The following STAT4 variants were observed in gnomAD, a reference collection of about 807,000 sequenced individuals.
STAT4 encodes signal transducer and activator of transcription 4.
A neutral mutation model predicts 110.5 loss-of-function variants in STAT4; 42 were observed. The ratio of observed to expected loss-of-function variants is 0.38; its 90% CI spans 0.30 to 0.49. The LOEUF is 0.49. Ranked by LOEUF, STAT4 falls within the 20% of genes least tolerant of loss-of-function variation. The pLI is 0.95. For missense variants in STAT4, 632 were observed against 887.9 expected, an observed-to-expected ratio of 0.71 and a Z score of 3.66; for synonymous variants, 284 against 302.2, an observed-to-expected ratio of 0.94 and a Z score of 0.63.
chr2:191,136,434 C>G (rs1395085782), intron 3 of STAT4, among the ~76,000 whole-genome samples: 1 of 152,088 alleles, frequency 6.6e-6, no homozygotes, highest in Non-Finnish European at 1.5e-5. Context: ...TAAAAGGCAC[C>G]CAAACTGGAA....
rs1697778861 is a variant in STAT4 at position 191,090,847 on chromosome 2, T to G, written c.274-14522A>C. Among the ~76,000 whole-genome samples the G allele has an allele frequency of 6.6e-6, 1 of 152,158 alleles. No individual in the cohort carries two copies. Among genetic ancestry groups the G allele is most frequent in the African/African-American group, 2.4e-5 (1 of 41,428 alleles). Reference sequence around the variant, plus strand: ...ACCTCGTGATCCACCCACCTTGGCCTCCCAAAGTGCTAGGATTACAGGCGT... The same window carrying G: ...ACCTCGTGATCCACCCACCTTGGCCGCCCAAAGTGCTAGGATTACAGGCGT... On this transcript the variant is annotated intron_variant, in intron 3 of 23. Coordinates refer to ENST00000392320, the MANE Select transcript of STAT4 (RefSeq NM_003151.4). The surrounding 1 kb of genome is among the most constrained non-coding windows in gnomAD (Gnocchi z 4.2).
At chr2:191,069,824 T>C in intron 5 of STAT4, 53 bp from the exon 6 acceptor site, 1 of 1,379,376 alleles carries the variant, frequency 7.2e-7, no homozygotes, top group East Asian at 2.3e-5. Context: ...AGCATGTCAA[T>C]CAAACAACAT....
At position 191,117,545 on chromosome 2, in the gene STAT4, G is replaced by A. The variant is rs1271843873; in HGVS notation, c.273+29068C>T. Among the ~76,000 whole-genome samples, 1 of 152,094 alleles carries A rather than the reference G, an allele frequency of 6.6e-6. No individual in the cohort carries two copies. The highest frequency in any genetic ancestry group is 2.4e-5 in the African/African-American group (1 of 41,424). Reference sequence around the variant, plus strand: ...ATTAAGTGTCAGGATGAGTTGTTTGGACACTAAGTGCTGTGGGAGTGCAGA... The same window carrying A: ...ATTAAGTGTCAGGATGAGTTGTTTGAACACTAAGTGCTGTGGGAGTGCAGA... On this transcript the variant is annotated intron_variant, in intron 3 of 23. Coordinates refer to ENST00000392320, the MANE Select transcript of STAT4 (RefSeq NM_003151.4). The surrounding 1 kb of genome is among the most constrained non-coding windows in gnomAD (Gnocchi z 5.2).
In STAT4 at chr2:191,099,049, G is replaced by A. The variant is rs1698085272; in HGVS notation, c.274-22724C>T. ...AATTGATTTAAAATGCCTGATAGAA[G>A]GAAGTGAATGGGAAATTCACAAAAG... On this transcript the variant is annotated intron_variant, in intron 3 of 23. Transcript: ENST00000392320. This position sits in a 1 kb window ranked among gnomAD's most constrained non-coding sequence, Gnocchi z 4.1. Among the ~76,000 whole-genome samples, 4 of 151,780 alleles carry A rather than the reference G, an allele frequency of 2.6e-5. No individual in the cohort carries two copies. In the South Asian group the frequency reaches 8.3e-4, roughly 31 times the overall value.
At chr2:191,088,356 C>T (rs1697697807) in intron 3 of STAT4, among the ~76,000 whole-genome samples, 1 of 152,050 alleles carries the variant, frequency 6.6e-6, no homozygotes, top group African/African-American at 2.4e-5. Context: ...ATAAATCTAA[C>T]AATGTGTGGA....
chr2:191,102,941 A>G (rs528045854), intron 3 of STAT4, among the ~76,000 whole-genome samples: 1 of 152,282 alleles, frequency 6.6e-6, no homozygotes, highest in East Asian at 1.9e-4. Flanking sequence ...TCCATGTATC[A>G]TCCATGTTCC....
chr2:191,104,744 T>C lies in STAT4; in HGVS notation c.274-28419A>G, dbSNP rs115892917. Among the ~76,000 whole-genome samples, 658 of 152,332 alleles carry C rather than the reference T, an allele frequency of 4.3e-3. 6 individuals are homozygous for C. The highest frequency in any genetic ancestry group is 0.015 in the African/African-American group (626 of 41,574). ...ATCCTTTTTAAGTGAATTTTGACTT[T>C]GCAAAGATTCTCTCTATTACTCTTT... On this transcript the variant is annotated intron_variant, in intron 3 of 23. Coordinates refer to ENST00000392320, the MANE Select transcript of STAT4 (RefSeq NM_003151.4). This position sits in a 1 kb window ranked among gnomAD's most constrained non-coding sequence, Gnocchi z 4.3.
chr2:191,057,898 G>T, intron 13 of STAT4, 120 bp downstream of exon 13: 2 of 927,988 alleles, frequency 2.2e-6, no homozygotes, highest in African/African-American at 1.7e-5. Flanking sequence ...GTGCCCGGCC[G>T]GTTCCTAATT....
rs1488392400 is a variant in STAT4, at chr2:191,035,864, GGACAGGTC to G, written c.1570+292_1570+299del. On this transcript the variant is annotated intron_variant, in intron 17 of 23. Coordinates refer to ENST00000392320, the MANE Select transcript of STAT4 (RefSeq NM_003151.4). The surrounding 1 kb of genome is among the most constrained non-coding windows in gnomAD (Gnocchi z 4.7). ...ATAGACAAGGAGGGGCTTTAGACCTGGACAGGTCTGGCCTGTGGCTTGGTGCTGCTGTG... is the reference window on the plus strand; with the variant it reads ...ATAGACAAGGAGGGGCTTTAGACCTGTGGCCTGTGGCTTGGTGCTGCTGTG... 1.3e-5 allele frequency among the ~76,000 whole-genome samples: 2 copies of G among 152,204 alleles called. No homozygotes were observed. Among genetic ancestry groups the G allele is most frequent in the African/African-American group, 2.4e-5 (1 of 41,448 alleles).
chr2:191,125,479 A>T (rs868766388), intron 3 of STAT4, among the ~76,000 whole-genome samples: 9 of 145,990 alleles, frequency 6.2e-5, no homozygotes, highest in Non-Finnish European at 7.5e-5. Flanking sequence ...CTCATTATTT[A>T]TTATTATTAT....
chr2:191,146,528 A>T lies in STAT4; in HGVS notation c.273+85T>A. ...ATTTTCCCCTAAATTTCATTTGAAA[A>T]TAATATAAGGGTACATATTTAATTT... On this transcript the variant is annotated intron_variant, in intron 3 of 23. Coordinates refer to ENST00000392320, the MANE Select transcript of STAT4 (RefSeq NM_003151.4). This position sits in a 1 kb window ranked among gnomAD's most constrained non-coding sequence, Gnocchi z 4.5. 2 of 1,201,488 alleles carry T rather than the reference A, an allele frequency of 1.7e-6. No individual in the cohort carries two copies. Among genetic ancestry groups the T allele is most frequent in the Non-Finnish European group, 2.1e-6 (2 of 938,522 alleles). 74.4% of individuals were successfully genotyped at this position (1,201,488 alleles called of 1,614,324 possible).
At chr2:191,093,879 T>C (rs1349575231) in intron 3 of STAT4, among the ~76,000 whole-genome samples, 3 of 152,114 alleles carry the variant, frequency 2.0e-5, no homozygotes, top group African/African-American at 4.8e-5. Context: ...GAATGAAGTA[T>C]AGAGAAGACC....
At position 191,131,039 on chromosome 2, in the gene STAT4, C is replaced by A. The variant is rs757300086; in HGVS notation, c.273+15574G>T. Among the ~76,000 whole-genome samples the A allele has an allele frequency of 2.7e-3, 411 of 151,672 alleles. 2 individuals are homozygous for A. The highest frequency in any genetic ancestry group is 3.5e-3 in the Non-Finnish European group (236 of 67,956). On this transcript the variant is annotated intron_variant, in intron 3 of 23. Transcript: ENST00000392320. ...AAAATGAGGAAATAAGGCAGATATA[C>A]CACCAGATTGTATGATCCATGACCA...
Position 191,066,587 on chromosome 2 carries a change from C to T in STAT4, c.545-72G>A, listed in dbSNP as rs1696992578. ...AGTCAAGTCAGCCTCAATCCACCATCCTAAAACAGCCCTGGCCCGGAGAAC... is the reference window on the plus strand; with the variant it reads ...AGTCAAGTCAGCCTCAATCCACCATTCTAAAACAGCCCTGGCCCGGAGAAC... On this transcript the variant is annotated intron_variant, in intron 6 of 23. Coordinates refer to ENST00000392320, the MANE Select transcript of STAT4 (RefSeq NM_003151.4). The surrounding 1 kb of genome is among the most constrained non-coding windows in gnomAD (Gnocchi z 4.3). The T allele has an allele frequency of 7.2e-7, 1 of 1,393,154 alleles. No individual in the cohort carries two copies. The highest frequency in any genetic ancestry group is 1.2e-5 in the South Asian group (1 of 82,936). 86.3% of individuals were successfully genotyped at this position (1,393,154 alleles called of 1,614,324 possible).
At chr2:191,123,249 C>G (rs893960333) in intron 3 of STAT4, among the ~76,000 whole-genome samples, 3 of 152,312 alleles carry the variant, frequency 2.0e-5, no homozygotes, top group African/African-American at 7.2e-5. Context: ...AGTGTCAGAG[C>G]TCCTGACTTA....
At chr2:191,072,608 C>T (rs1222511233) in intron 5 of STAT4, among the ~76,000 whole-genome samples, 2 of 152,012 alleles carry the variant, frequency 1.3e-5, no homozygotes, top group Admixed American at 6.6e-5. Context: ...AATTAACATC[C>T]TATTTTATAT....
chr2:191,032,759 G>C lies in STAT4; in HGVS notation c.2044+199C>G. 1 of 570,102 alleles carries C rather than the reference G, an allele frequency of 1.8e-6. No homozygotes were observed. Among genetic ancestry groups the C allele is most frequent in the Non-Finnish European group, 3.0e-6 (1 of 331,412 alleles). The allele number at this position is 570,102 out of a possible 1,614,324, so 35.3% of individuals were successfully genotyped here. A position where few individuals can be genotyped will look rare whatever the true frequency, so the allele number is the denominator to read the frequency against. On this transcript the variant is annotated intron_variant, in intron 21 of 23. Coordinates refer to ENST00000392320, the MANE Select transcript of STAT4 (RefSeq NM_003151.4). This position sits in a 1 kb window ranked among gnomAD's most constrained non-coding sequence, Gnocchi z 4.9. ...AGTTACAGCTGCTTATTACTCGCTA[G>C]TGTTAGAAAGCCCAGCGGTCCCTTT...
intron 15 of STAT4, among the ~76,000 whole-genome samples, chr2:191,040,328 C>T (rs1319119671): frequency 3.9e-5 from 6 of 152,016 alleles, no homozygotes. Context: ...GATAAATCTT[C>T]CTTCTGTGAG....
rs1265692777 is a variant in STAT4, at chr2:191,043,926, T to C, written c.1252-2778A>G. 2.7e-5 allele frequency among the ~76,000 whole-genome samples: 4 copies of C among 148,662 alleles called. No homozygotes were observed. The highest frequency in any genetic ancestry group is 1.0e-4 in the African/African-American group (4 of 40,050). ...ATAAAGTATATAGAAACATATTCAT[T>C]CATAGAAAAAGTATAAAGGCATTCT... On this transcript the variant is annotated intron_variant, in intron 14 of 23. Coordinates refer to ENST00000392320, the MANE Select transcript of STAT4 (RefSeq NM_003151.4). This position sits in a 1 kb window ranked among gnomAD's most constrained non-coding sequence, Gnocchi z 4.8.
Sources: allele counts gnomAD v4.1 joint callset (sites outside exome capture counted in the v4.1 genomes callset), GRCh38; gene constraint gnomAD v4.1.1; non-coding constraint Gnocchi (gnomAD v3.1); transcripts MANE v1.5; gene names NCBI Gene and HGNC (gene_info 2026-07-23, HGNC 2026-07-21).